NCKAP5: variants seen among roughly 807,000 people sequenced by gnomAD.
NCKAP5 encodes NCK associated protein 5.
In NCKAP5, 92 loss-of-function variants were observed where a neutral mutation model predicts 167.0. That is an observed-to-expected ratio of 0.55 (90% confidence interval 0.47 to 0.66). NCKAP5 has a LOEUF of 0.66. NCKAP5 is among the 30% of genes least tolerant of loss of function. The pLI, the probability that NCKAP5 is intolerant of heterozygous loss-of-function variation, is 0.00. For synonymous variants in NCKAP5, 891 were observed against 877.4 expected (o/e 1.02, Z -0.27); for missense variants, 2,378 against 2,315.0 (o/e 1.03, Z -0.56).
intron 7 of NCKAP5, among the ~76,000 whole-genome samples, chr2:132,978,671 G>C (rs2149260490): frequency 6.6e-6 from 1 of 152,304 alleles, no homozygotes; most frequent in East Asian, 1.9e-4. Flanking sequence ...CCAGACAGAA[G>C]CTGGCCACAT....
intron 3 of NCKAP5, among the ~76,000 whole-genome samples, chr2:133,448,250 G>GAAAAAAAAA (rs58596848): frequency 7.1e-6 from 1 of 140,970 alleles, no homozygotes; most frequent in African/African-American, 2.6e-5. Context: ...ATTGTTCTGG[G>GAAAAAAAAA]AAAAAAAAAA....
chr2:133,386,079 C>G (rs536476296), intron 3 of NCKAP5, among the ~76,000 whole-genome samples: 1 of 152,038 alleles, frequency 6.6e-6, no homozygotes, highest in Non-Finnish European at 1.5e-5. Flanking sequence ...TTATTTCTTG[C>G]CTTCTGCTAG....
At chr2:132,723,161 T>G (rs1690105346) in intron 19 of NCKAP5, among the ~76,000 whole-genome samples, 1 of 146,682 alleles carries the variant, frequency 6.8e-6, no homozygotes, top group Non-Finnish European at 1.5e-5. Flanking sequence ...TTTTTTTTTT[T>G]TTGAGACAGA....
In NCKAP5 at chr2:132,685,367, T is replaced by C. The variant is rs1428699064; in HGVS notation, c.5714-12062A>G. The stretch of plus-strand genomic sequence containing the variant: ...GCAGCTTGGTCTAAAAGAAACAGAG[T>C]GGCACATGTGTTTGTGTGTGACCAG... On this transcript the variant is annotated intron_variant, in intron 19 of 19. Coordinates refer to ENST00000409261, the MANE Select transcript of NCKAP5 (RefSeq NM_207363.3). Among the ~76,000 whole-genome samples, 3 of 152,094 alleles carry C rather than the reference T, an allele frequency of 2.0e-5. No homozygotes were observed. The East Asian group carries it at 5.8e-4, about 29-fold the overall frequency.
At chr2:133,485,200 C>T (rs776837393) in intron 3 of NCKAP5, among the ~76,000 whole-genome samples, 8 of 152,076 alleles carry the variant, frequency 5.3e-5, no homozygotes, top group Non-Finnish European at 1.0e-4. Context: ...AAGAAACAAA[C>T]ATTGGTATGT....
intron 6 of NCKAP5, among the ~76,000 whole-genome samples, chr2:133,084,589 C>T (rs898636537): frequency 2.0e-5 from 3 of 152,158 alleles, no homozygotes; most frequent in Non-Finnish European, 2.9e-5. Flanking sequence ...GAATCTCATT[C>T]TTGCTTCACT....
At chr2:133,390,014 T>C (rs1687282640) in intron 3 of NCKAP5, among the ~76,000 whole-genome samples, 1 of 152,218 alleles carries the variant, frequency 6.6e-6, no homozygotes. Flanking sequence ...TCCTCAGTAC[T>C]GAAGCAGCCT....
At chr2:133,575,085 T>C in the NCKAP5 span, among the ~76,000 whole-genome samples, 75,230 of 152,048 alleles carry the variant, frequency 0.49, 19,420 homozygotes, top group South Asian at 0.59. Context: ...TTCTCCAAAC[T>C]CAGGCAAAGC....
intron 6 of NCKAP5, among the ~76,000 whole-genome samples, chr2:133,071,664 G>A (rs868580327): frequency 3.3e-5 from 5 of 152,100 alleles, no homozygotes; most frequent in Admixed American, 6.6e-5. Context: ...CTTTCCGAGC[G>A]TCTATATTCC....
At chr2:132,787,370 T>C (rs1432788671) in intron 13 of NCKAP5, among the ~76,000 whole-genome samples, 1 of 147,128 alleles carries the variant, frequency 6.8e-6, no homozygotes, top group East Asian at 2.0e-4. Context: ...AAAAAAGGGC[T>C]ATATGATTAA....
At chr2:133,154,552 G>T (rs961884938) in intron 5 of NCKAP5, among the ~76,000 whole-genome samples, 1 of 152,196 alleles carries the variant, frequency 6.6e-6, no homozygotes, top group Non-Finnish European at 1.5e-5. Context: ...TTAGGTATTT[G>T]ACATGCTGCT....
chr2:132,762,364 C>T (rs1681080863), intron 16 of NCKAP5, among the ~76,000 whole-genome samples: 1 of 152,148 alleles, frequency 6.6e-6, no homozygotes, highest in African/African-American at 2.4e-5. Context: ...TTGACCCTCA[C>T]CTACTCCTTA....
At chr2:132,693,786 C>A (rs138124741) in intron 19 of NCKAP5, among the ~76,000 whole-genome samples, 16 of 151,728 alleles carry the variant, frequency 1.1e-4, no homozygotes, top group Non-Finnish European at 2.1e-4. Context: ...CCACCATGCC[C>A]GGCTAATTTT....
the NCKAP5 span, among the ~76,000 whole-genome samples, chr2:133,658,317 G>A: frequency 2.3e-4 from 35 of 152,260 alleles, no homozygotes; most frequent in African/African-American, 8.4e-4. Flanking sequence ...TATTTAAGTT[G>A]CAATAGGAGC....
intron 4 of NCKAP5, among the ~76,000 whole-genome samples, chr2:133,214,766 C>G (rs2086356158): frequency 6.6e-6 from 1 of 152,142 alleles, no homozygotes; most frequent in Non-Finnish European, 1.5e-5. Flanking sequence ...ATACTACTAT[C>G]AAGATGAGAA....
At position 133,517,460 on chromosome 2, in the gene NCKAP5, C is replaced by T. The variant is rs1167710053; in HGVS notation, c.67G>A (p.Val23Met). Residue 23 changes from valine to methionine, a missense_variant and splice_region_variant, in exon 3 of 20, where the codon GTG becomes ATG. By Grantham distance (21) the Val-to-Met change is conservative. This residue lies in a region of NCKAP5 where 1,049 missense variants were observed against 1,023.4 expected (regional missense o/e 1.02). Transcript: ENST00000409261. ...GTAAATGAATATTTAGTACTTACCA[C>T]AAGACTGCTGTCTAGAGACAGCCTT... The part of the protein sequence containing the change: ...GKRLSLDSSL[V>M]EYMDSNKYIE... 6 of 1,503,536 alleles carry T rather than the reference C, an allele frequency of 4.0e-6. No individual in the cohort carries two copies. The highest frequency in any genetic ancestry group is 5.4e-6 in the Non-Finnish European group (6 of 1,118,714). 93.1% of individuals were successfully genotyped at this position (1,503,536 alleles called of 1,614,324 possible).
At chr2:132,873,657 C>T (rs1035968045) in intron 9 of NCKAP5, among the ~76,000 whole-genome samples, 1 of 152,170 alleles carries the variant, frequency 6.6e-6, no homozygotes, top group African/African-American at 2.4e-5. Flanking sequence ...CCCTAGTCTG[C>T]CTAATCCAAA....
chr2:132,706,022 G>A (rs1688323922), intron 19 of NCKAP5, among the ~76,000 whole-genome samples: 2 of 152,068 alleles, frequency 1.3e-5, no homozygotes, highest in East Asian at 1.9e-4. Context: ...ATTTGCATAT[G>A]TACACAATAT....
At chr2:133,246,063 G>A (rs867183807) in intron 4 of NCKAP5, among the ~76,000 whole-genome samples, 3 of 152,034 alleles carry the variant, frequency 2.0e-5, no homozygotes, top group Non-Finnish European at 1.5e-5. Context: ...TGGAAGAGAC[G>A]AATGTGACCG....
Sources: allele counts gnomAD v4.1 joint callset (sites outside exome capture counted in the v4.1 genomes callset), GRCh38; gene constraint gnomAD v4.1.1; regional missense constraint gnomAD v4.1.1; transcripts MANE v1.5; gene names NCBI Gene and HGNC (gene_info 2026-07-23, HGNC 2026-07-21).